Variants in ARHGAP35 observed in about 807,000 individuals in gnomAD.
ARHGAP35 encodes Rho GTPase activating protein 35, also known as rho GTPase-activating protein 35.
ARHGAP35 carries 15 observed loss-of-function variants against 111.1 expected under a neutral mutation model. The observed-to-expected ratio is 0.13, with a 90% CI of 0.09 to 0.21. The LOEUF (loss-of-function observed/expected upper bound fraction) is 0.21. Among genes scored for constraint, ARHGAP35 ranks in the 10% least tolerant of loss-of-function variants. The pLI is 1.00. For missense variants in ARHGAP35, 1,262 were observed against 1,873.0 expected, an observed-to-expected ratio of 0.67 and a Z score of 6.02; for synonymous variants, 643 against 710.3, an observed-to-expected ratio of 0.91 and a Z score of 1.51.
chr19:46,949,599 T>C (rs2056400613), intron 3 of ARHGAP35, among the ~76,000 whole-genome samples: 1 of 152,240 alleles, frequency 6.6e-6, no homozygotes, highest in South Asian at 2.1e-4. Context: ...CGTTTTCCAC[T>C]AGCCTAGTCA....
In ARHGAP35 at chr19:46,926,005, G is replaced by A. The variant is rs920184161; in HGVS notation, c.3681+3649G>A. On this transcript the variant is annotated intron_variant, in intron 2 of 6. Coordinates refer to ENST00000672722, the MANE Select transcript of ARHGAP35 (RefSeq NM_004491.5). The surrounding 1 kb of genome is among the most constrained non-coding windows in gnomAD (Gnocchi z 4.1). ...TTGTCTGGTCTAGCTGAGGGCTTGAGGGACCAACATTATCCGTCCCGTCTT... is the reference window on the plus strand; with the variant it reads ...TTGTCTGGTCTAGCTGAGGGCTTGAAGGACCAACATTATCCGTCCCGTCTT... Among the ~76,000 whole-genome samples the A allele has an allele frequency of 6.6e-6, 1 of 152,150 alleles. No individual in the cohort carries two copies. The highest frequency in any genetic ancestry group is 1.5e-5 in the Non-Finnish European group (1 of 68,030).
rs2056736205 is a variant in ARHGAP35 at position 46,999,858 on chromosome 19, G to A, written c.4142+449G>A. 9.3e-6 allele frequency: 2 copies of A among 214,194 alleles called. No individual in the cohort carries two copies. The allele number at this position is 214,194 out of a possible 1,614,324, so 13.3% of individuals were successfully genotyped here. On this transcript the variant is annotated intron_variant, in intron 6 of 6. Transcript: ENST00000672722. The surrounding 1 kb of genome is among the most constrained non-coding windows in gnomAD (Gnocchi z 5.4). Reference sequence around the variant, plus strand: ...AGAACCGGGACACTGCACCTCGAGAGATGTGCTGCAGGAGACAGCCAGCCT... The same window carrying A: ...AGAACCGGGACACTGCACCTCGAGAAATGTGCTGCAGGAGACAGCCAGCCT...
intron 1 of ARHGAP35, among the ~76,000 whole-genome samples, chr19:46,905,265 C>T (rs368795219): frequency 2.0e-5 from 3 of 152,134 alleles, no homozygotes; most frequent in Admixed American, 2.0e-4. Context: ...TGGTGGCTCA[C>T]GCCTATAATC....
intron 1 of ARHGAP35, among the ~76,000 whole-genome samples, chr19:46,862,850 C>T (rs2055836148): frequency 1.3e-5 from 2 of 152,072 alleles, no homozygotes; most frequent in South Asian, 4.1e-4. Flanking sequence ...GCTTTATTTG[C>T]CCACCCTCCA....
chr19:46,885,269 C>G (rs2055987973), intron 1 of ARHGAP35, among the ~76,000 whole-genome samples: 1 of 152,136 alleles, frequency 6.6e-6, no homozygotes, highest in Non-Finnish European at 1.5e-5. Context: ...GTGACTCTTG[C>G]AATAATAATA....
At chr19:46,894,182 A>G (rs2056041293) in intron 1 of ARHGAP35, among the ~76,000 whole-genome samples, 1 of 152,184 alleles carries the variant, frequency 6.6e-6, no homozygotes, top group African/African-American at 2.4e-5. Context: ...ATTTCAAGGA[A>G]AATTATTTTC....
At chr19:46,867,844 T>C (rs545937403) in intron 1 of ARHGAP35, among the ~76,000 whole-genome samples, 8 of 152,004 alleles carry the variant, frequency 5.3e-5, no homozygotes, top group Non-Finnish European at 8.8e-5. Flanking sequence ...TTAGAGGGCA[T>C]GCTCTCCTGG....
intron 1 of ARHGAP35, among the ~76,000 whole-genome samples, chr19:46,915,790 C>T (rs2056159028): frequency 6.6e-6 from 1 of 152,066 alleles, no homozygotes; most frequent in Non-Finnish European, 1.5e-5. Flanking sequence ...CATAAACTGT[C>T]GTAGCTGGAA....
At chr19:46,871,927 CG>C (rs2055889757) in intron 1 of ARHGAP35, among the ~76,000 whole-genome samples, 1 of 151,900 alleles carries the variant, frequency 6.6e-6, no homozygotes. Flanking sequence ...TTGCAGTGAG[CG>C]GAGATTATGC....
Position 46,985,161 on chromosome 19 carries a change from C to T in ARHGAP35, c.3827-2828C>T, listed in dbSNP as rs540155758. On this transcript the variant is annotated intron_variant, in intron 3 of 6. Coordinates refer to ENST00000672722, the MANE Select transcript of ARHGAP35 (RefSeq NM_004491.5). ...GAAGACTTGAGCCTGCTGACACATACCCAAGGCTTGCTCATATGTGAAATA... is the reference window on the plus strand; with the variant it reads ...GAAGACTTGAGCCTGCTGACACATATCCAAGGCTTGCTCATATGTGAAATA... Among the ~76,000 whole-genome samples the T allele has an allele frequency of 3.2e-4, 48 of 152,256 alleles. No individual in the cohort carries two copies. In the South Asian group the frequency reaches 5.4e-3, roughly 17 times the overall value.
intron 1 of ARHGAP35, among the ~76,000 whole-genome samples, chr19:46,871,961 C>T (rs570320255): frequency 2.6e-5 from 4 of 151,996 alleles, no homozygotes; most frequent in African/African-American, 9.6e-5. Flanking sequence ...GCATGGGTGA[C>T]AGAGTGAGAC....
chr19:46,877,839 TGGGATTACAGGC>T (rs1371235622), intron 1 of ARHGAP35, among the ~76,000 whole-genome samples: 1 of 151,888 alleles, frequency 6.6e-6, no homozygotes, highest in Non-Finnish European at 1.5e-5. Flanking sequence ...CCCAAGTAGC[TGGGATTACAGGC>T]GCCTGCCACC....
rs1292822684 is a variant in ARHGAP35 at position 46,939,079 on chromosome 19, T to A, written c.3826+1671T>A. Among the ~76,000 whole-genome samples, 7 of 152,196 alleles carry A rather than the reference T, an allele frequency of 4.6e-5. No individual in the cohort carries two copies. In the East Asian group the frequency reaches 1.2e-3, roughly 25 times the overall value. On this transcript the variant is annotated intron_variant, in intron 3 of 6. Coordinates refer to ENST00000672722, the MANE Select transcript of ARHGAP35 (RefSeq NM_004491.5). ...CAGTAATAAGCACTTGGCATAATCATTACAGATCTATAGCTTTGTTTAGTC... is the reference window on the plus strand; with the variant it reads ...CAGTAATAAGCACTTGGCATAATCAATACAGATCTATAGCTTTGTTTAGTC...
rs185465082 is a variant in ARHGAP35, at chr19:46,901,777, T to C, written c.-188-16711T>C. On this transcript the variant is annotated intron_variant, in intron 1 of 6. Transcript: ENST00000672722. This position sits in a 1 kb window ranked among gnomAD's most constrained non-coding sequence, Gnocchi z 4.5. ...CTGATTATACTTGCATGCACTTAGG[T>C]TATCATTAGCCCCTAGAGACTTACC... Among the ~76,000 whole-genome samples the C allele has an allele frequency of 5.8e-4, 88 of 152,272 alleles. No homozygotes were observed. Among genetic ancestry groups the C allele is most frequent in the Non-Finnish European group, 8.8e-4 (60 of 68,024 alleles).
chr19:46,896,104 A>G (rs1211842955), intron 1 of ARHGAP35, among the ~76,000 whole-genome samples: 1 of 151,570 alleles, frequency 6.6e-6, no homozygotes, highest in African/African-American at 2.4e-5. Context: ...CCCCGTCTCA[A>G]AAAAAAAGCT....
intron 2 of ARHGAP35, among the ~76,000 whole-genome samples, chr19:46,931,821 G>C (rs2056274553): frequency 6.6e-6 from 1 of 152,148 alleles, no homozygotes; most frequent in African/African-American, 2.4e-5. Context: ...CTAAGTGCTG[G>C]CTGTGAATCT....
intron 3 of ARHGAP35, among the ~76,000 whole-genome samples, chr19:46,973,715 C>T (rs2056564796): frequency 6.8e-6 from 1 of 148,082 alleles, no homozygotes; most frequent in Non-Finnish European, 1.5e-5. Context: ...GGGCCAGGCA[C>T]AATGGCTTAT....
chr19:46,983,520 A>AAATTTCTT (rs1326106520), intron 3 of ARHGAP35, among the ~76,000 whole-genome samples: 1 of 152,078 alleles, frequency 6.6e-6, no homozygotes, highest in Non-Finnish European at 1.5e-5. Flanking sequence ...GGAGATTCAA[A>AAATTTCTT]AATTCTGGTC....
intron 2 of ARHGAP35, among the ~76,000 whole-genome samples, chr19:46,935,147 A>G (rs1204386958): frequency 1.3e-5 from 2 of 152,224 alleles, no homozygotes; most frequent in Admixed American, 6.5e-5. Flanking sequence ...AAGGGGAGCA[A>G]GCAGCAGCCA....
Sources: gnomAD v4.1 joint callset for allele counts (sites outside exome capture counted in the v4.1 genomes callset) on GRCh38, gnomAD v4.1.1 for gene constraint, Gnocchi (gnomAD v3.1) non-coding constraint, MANE v1.5 for transcripts, NCBI Gene and HGNC (gene_info 2026-07-23, HGNC 2026-07-21) for gene names.